UBIAD1: variants seen among roughly 807,000 people sequenced by gnomAD.
UBIAD1 encodes the protein UbiA prenyltransferase domain containing 1, also known as ubiA prenyltransferase domain-containing protein 1.
In UBIAD1, 12 loss-of-function variants were observed where a neutral mutation model predicts 20.1. The ratio of observed to expected loss-of-function variants is 0.60; its 90% confidence interval spans 0.38 to 0.97. The LOEUF is 0.97. Ranked by LOEUF, UBIAD1 falls within the 50% of genes least tolerant of loss-of-function variation. The pLI is 0.00. For missense variants in UBIAD1, 333 were observed against 419.5 expected (o/e 0.79, Z 1.80); for synonymous variants, 207 against 189.2 (o/e 1.09, Z -0.77).
At chr1:11,277,103 GGT>G (rs1652061873) in intron 1 of UBIAD1, among the ~76,000 whole-genome samples, 1 of 151,884 alleles carries the variant, frequency 6.6e-6, no homozygotes, top group Non-Finnish European at 1.5e-5. Flanking sequence ...TGGGCATGGT[GGT>G]GCATGCCTGT....
At position 11,286,273 on chromosome 1, in the gene UBIAD1, T is replaced by G. The variant is rs1638260937; in HGVS notation, c.*142T>G. On this transcript the variant is annotated 3_prime_UTR_variant, in exon 2 of 2. Coordinates refer to ENST00000376810, the MANE Select transcript of UBIAD1 (RefSeq NM_013319.3). ...CTGCCTTATAAAAATTGTTTTTGTG[T>G]TCTTAAAGATAATATGTTGTTTTTC... 1.9e-6 allele frequency: 2 copies of G among 1,079,324 alleles called. No individual in the cohort carries two copies. Among genetic ancestry groups the G allele is most frequent in the Non-Finnish European group, 2.7e-6 (2 of 747,878 alleles). The allele number at this position is 1,079,324 out of a possible 1,614,324, so 66.9% of individuals were successfully genotyped here.
At chr1:11,290,428 A>G (rs565237288), downstream of UBIAD1, among the ~76,000 whole-genome samples, 1 of 152,334 alleles carries the variant, frequency 6.6e-6, no homozygotes, top group East Asian at 1.9e-4. Context: ...CCTGGTGACA[A>G]GTGCCAGTGG....
downstream of UBIAD1, among the ~76,000 whole-genome samples, chr1:11,296,928 T>G (rs531914325): frequency 6.6e-6 from 1 of 152,292 alleles, no homozygotes; most frequent in Non-Finnish European, 1.5e-5. Flanking sequence ...TTCTTCCCAG[T>G]ACTCAGCACA....
At chr1:11,282,977 C>T (rs1263799331) in intron 1 of UBIAD1, among the ~76,000 whole-genome samples, 2 of 151,982 alleles carry the variant, frequency 1.3e-5, no homozygotes, top group Non-Finnish European at 2.9e-5. Flanking sequence ...TCTTCTGCCT[C>T]AGCCTCCCGA....
At position 11,286,131 on chromosome 1, in the gene UBIAD1, A is replaced by G; in HGVS notation, c.1017A>G (p.Ter339=). 1 of 1,614,216 alleles carries G rather than the reference A, an allele frequency of 6.2e-7. No homozygotes were observed. Among genetic ancestry groups the G allele is most frequent in the Non-Finnish European group, 8.5e-7 (1 of 1,180,038 alleles). The part of the protein sequence containing the change: ...LAPAGSLPKI[*] ...CAGCAGGCAGTCTGCCCAAAATTTA[A>G]GGGGACAAGTAGCTCCCCCCACGAC... is the stretch of plus-strand genomic sequence containing the variant. Residue 339 remains the stop codon, a stop_retained_variant, in exon 2 of 2, where the codon TAA becomes TAG. Coordinates refer to ENST00000376810, the MANE Select transcript of UBIAD1 (RefSeq NM_013319.3).
chr1:11,289,792 G>A (rs1005551475), downstream of UBIAD1, among the ~76,000 whole-genome samples: 2 of 151,888 alleles, frequency 1.3e-5, no homozygotes, highest in African/African-American at 2.4e-5. Flanking sequence ...GTGCAGTGGC[G>A]CAATCTCGGC....
intron 1 of UBIAD1, among the ~76,000 whole-genome samples, chr1:11,282,558 C>CTTTTTTT (rs34509238): frequency 1.6e-5 from 2 of 128,098 alleles, no homozygotes; most frequent in Non-Finnish European, 3.3e-5. Context: ...GCTTACATCA[C>CTTTTTTT]TTTTTTTTTT....
chr1:11,293,297 T>TC (rs1434613902), downstream of UBIAD1, among the ~76,000 whole-genome samples: 1 of 152,110 alleles, frequency 6.6e-6, no homozygotes, highest in Non-Finnish European at 1.5e-5. Flanking sequence ...GGCCCCTGTC[T>TC]CCCCCAGCTT....
downstream of UBIAD1, among the ~76,000 whole-genome samples, chr1:11,288,723 C>T (rs1459738921): frequency 1.3e-5 from 2 of 152,046 alleles, no homozygotes; most frequent in Non-Finnish European, 2.9e-5. Context: ...GCCTAAGTAA[C>T]GTAGTAAGAC....
At chr1:11,295,674 A>T (rs1018549061), downstream of UBIAD1, 1 of 152,232 alleles carries the variant, frequency 6.6e-6, no homozygotes, top group African/African-American at 2.4e-5. Flanking sequence ...CCAAGGGAAT[A>T]CCAGGTGGGA....
chr1:11,285,924 G>A lies in UBIAD1; in HGVS notation c.810G>A (p.Leu270=). Residue 270 remains leucine, a synonymous_variant, in exon 2 of 2, where the codon CTG becomes CTA. Coordinates refer to ENST00000376810, the MANE Select transcript of UBIAD1 (RefSeq NM_013319.3). The surrounding 1 kb of genome is among the most constrained non-coding windows in gnomAD (Gnocchi z 4.4). ...ACACACTGCTCTTCCTGCCCTACCT[G>A]GTCTTCAGCATCCTGGCCACACACT... The part of the protein sequence containing the change: ...LYNTLLFLPY[L]VFSILATHCT... 7 of 1,614,136 alleles carry A rather than the reference G, an allele frequency of 4.3e-6. No individual in the cohort carries two copies. The highest frequency in any genetic ancestry group is 5.9e-6 in the Non-Finnish European group (7 of 1,180,022).
chr1:11,286,175 A>C lies in UBIAD1; in HGVS notation c.*44A>C, dbSNP rs1403745380. On this transcript the variant is annotated 3_prime_UTR_variant, in exon 2 of 2. Transcript: ENST00000376810. The stretch of plus-strand genomic sequence containing the variant: ...CCACGACATGTCTCCCTTTCTTAGA[A>C]TATATTAAAGTCAGAGTCTCTGAGG... The C allele has an allele frequency of 8.7e-6, 14 of 1,613,090 alleles. No individual in the cohort carries two copies. Among genetic ancestry groups the C allele is most frequent in the African/African-American group, 1.3e-5 (1 of 74,914 alleles).
At chr1:11,284,302 G>A (rs1282299998) in intron 1 of UBIAD1, among the ~76,000 whole-genome samples, 1 of 152,112 alleles carries the variant, frequency 6.6e-6, no homozygotes, top group Non-Finnish European at 1.5e-5. Context: ...ATTGGAAGAA[G>A]TCTGTGTGAA....
intron 1 of UBIAD1, among the ~76,000 whole-genome samples, chr1:11,284,578 C>G (rs552271446): frequency 6.6e-6 from 1 of 152,326 alleles, no homozygotes; most frequent in South Asian, 2.1e-4. Context: ...ATTTTCCCTG[C>G]CTCAGCCTCC....
exon 2 of UBIAD1, chr1:11,295,149 A>C: frequency 1.1e-4 from 58 of 525,800 alleles, no homozygotes; most frequent in Middle Eastern, 5.2e-4. Context: ...TAGAATAAAC[A>C]ACGACCACAG....
rs1237193431 is a variant in UBIAD1 at position 11,287,468 on chromosome 1, C to T, written c.*1337C>T. The T allele has an allele frequency of 1.3e-5, 2 of 152,176 alleles. No individual in the cohort carries two copies. The highest frequency in any genetic ancestry group is 2.9e-5 in the Non-Finnish European group (2 of 68,018). The allele number at this position is 152,176 out of a possible 1,614,324, so 9.4% of individuals were successfully genotyped here. A position where few individuals can be genotyped will look rare whatever the true frequency, so the allele number is the denominator to read the frequency against. ...CCAGGACTATAGATTGGAAATGGGT[C>T]ATCATTGTTTTCTGTTGTGATTATA... On this transcript the variant is annotated 3_prime_UTR_variant, in exon 2 of 2. Transcript: ENST00000376810.
chr1:11,278,459 A>G (rs766130289), intron 1 of UBIAD1, among the ~76,000 whole-genome samples: 5 of 152,232 alleles, frequency 3.3e-5, no homozygotes, highest in Non-Finnish European at 7.3e-5. Context: ...GGGTGTACAT[A>G]TATTAAATAT....
downstream of UBIAD1, among the ~76,000 whole-genome samples, chr1:11,289,369 C>A (rs1414278213): frequency 1.3e-5 from 2 of 152,064 alleles, no homozygotes; most frequent in Admixed American, 6.6e-5. Context: ...CAATTAGGAG[C>A]CTCATAAATC....
chr1:11,274,588 C>T (rs1446477464), intron 1 of UBIAD1, among the ~76,000 whole-genome samples: 11 of 147,958 alleles, frequency 7.4e-5, no homozygotes, highest in Admixed American at 6.8e-5. Flanking sequence ...TGAGCCACCG[C>T]GCCCTGTCAG....
Sources: gnomAD v4.1 joint callset for allele counts (sites outside exome capture counted in the v4.1 genomes callset) on GRCh38, gnomAD v4.1.1 for gene constraint, Gnocchi (gnomAD v3.1) non-coding constraint, MANE v1.5 for transcripts, NCBI Gene and HGNC (gene_info 2026-07-23, HGNC 2026-07-21) for gene names.